FGF14: variants seen among roughly 807,000 people sequenced by gnomAD.
FGF14 encodes the protein fibroblast growth factor homologous factor 4.
Under a neutral mutation model 25.5 loss-of-function variants are expected in FGF14, and 5 were observed. The ratio of observed to expected loss-of-function variants is 0.20; its 90% CI spans 0.10 to 0.41. FGF14 has a LOEUF of 0.41. Ranked by LOEUF, FGF14 falls within the 10% of genes least tolerant of loss-of-function variation. FGF14 has a pLI of 1.00. For synonymous variants in FGF14, 138 were observed against 118.3 expected (o/e 1.17, Z -1.08); for missense variants, 222 against 320.1 (o/e 0.69, Z 2.34).
intron 1 of FGF14, among the ~76,000 whole-genome samples, chr13:101,976,585 C>T (rs1184068848): frequency 6.6e-6 from 1 of 152,168 alleles, no homozygotes; most frequent in East Asian, 1.9e-4. Context: ...CACTCACACC[C>T]GCCCTCTTCC....
rs1287281539 is a variant in FGF14, at chr13:101,715,957, G to C, written c.*6874C>G. 1 of 319,940 alleles carries C rather than the reference G, an allele frequency of 3.1e-6. No homozygotes were observed. Among genetic ancestry groups the C allele is most frequent in the Non-Finnish European group, 6.0e-6 (1 of 167,974 alleles). The allele number at this position is 319,940 out of a possible 1,614,324, so 19.8% of individuals were successfully genotyped here. On this transcript the variant is annotated 3_prime_UTR_variant, in exon 5 of 5. Coordinates refer to ENST00000376143, the MANE Select transcript of FGF14 (RefSeq NM_004115.4). ...CAGACAATTTTGATTGTCACACTGG[G>C]TCGGGTAGGAAGGTATGCTGCAGAC...
intron 1 of FGF14, among the ~76,000 whole-genome samples, chr13:102,117,585 G>A (rs1566707303): frequency 6.6e-6 from 1 of 152,164 alleles, no homozygotes; most frequent in Non-Finnish European, 1.5e-5. Flanking sequence ...GTTTATAATA[G>A]GAGAAGCCAG....
chr13:101,771,855 C>G (rs1303180017), intron 3 of FGF14, among the ~76,000 whole-genome samples: 1 of 151,800 alleles, frequency 6.6e-6, no homozygotes, highest in Non-Finnish European at 1.5e-5. Flanking sequence ...TAAAATTTTT[C>G]TCTTAAATTT....
intron 1 of FGF14, among the ~76,000 whole-genome samples, chr13:102,237,916 A>C (rs920243975): frequency 3.9e-5 from 6 of 152,132 alleles, no homozygotes; most frequent in Non-Finnish European, 7.4e-5. Flanking sequence ...CTGTCTTGGC[A>C]TTCACTCTAA....
chr13:102,175,273 A>C (rs1444729506), intron 1 of FGF14, among the ~76,000 whole-genome samples: 1 of 152,126 alleles, frequency 6.6e-6, no homozygotes, highest in Non-Finnish European at 1.5e-5. Context: ...AGAATAGAGA[A>C]CCTAGAAACA....
At chr13:102,165,825 TAATA>T (rs1771443251) in intron 1 of FGF14, among the ~76,000 whole-genome samples, 1 of 150,486 alleles carries the variant, frequency 6.6e-6, no homozygotes, top group East Asian at 1.9e-4. Flanking sequence ...ATAATAATAA[TAATA>T]AAAGAAAGTA....
At chr13:102,352,792 A>G (rs547764911) in intron 1 of FGF14, among the ~76,000 whole-genome samples, 77 of 149,394 alleles carry the variant, frequency 5.2e-4, no homozygotes, top group South Asian at 1.5e-3. Flanking sequence ...AGCCTGGGCG[A>G]CAGAGCGAGA....
intron 3 of FGF14, among the ~76,000 whole-genome samples, chr13:101,814,100 A>T (rs1253058605): frequency 6.6e-6 from 1 of 152,278 alleles, no homozygotes; most frequent in Non-Finnish European, 1.5e-5. Context: ...GCAAGTAGAC[A>T]GACAACTAAA....
chr13:102,342,614 G>A (rs946129956), intron 1 of FGF14, among the ~76,000 whole-genome samples: 1 of 151,998 alleles, frequency 6.6e-6, no homozygotes, highest in African/African-American at 2.4e-5. Context: ...CAGTAACTCA[G>A]AAATAACAAT....
At chr13:102,390,120 T>C (rs762330061) in intron 1 of FGF14, among the ~76,000 whole-genome samples, 7 of 152,322 alleles carry the variant, frequency 4.6e-5, no homozygotes, top group South Asian at 4.1e-4. Context: ...GATTTAATGA[T>C]ATGAAGTTCT....
At position 101,720,384 on chromosome 13, in the gene FGF14, A is replaced by C. The variant is rs2034888254; in HGVS notation, c.*2447T>G. 1 of 152,122 alleles carries C rather than the reference A, an allele frequency of 6.6e-6. No individual in the cohort carries two copies. The highest frequency in any genetic ancestry group is 2.4e-5 in the African/African-American group (1 of 41,448). 9.4% of individuals were successfully genotyped at this position (152,122 alleles called of 1,614,324 possible). Reference sequence around the variant, plus strand: ...CTTATAGACACCCCATATATAAAACACAACAGAGATACACATTTACATAAA... The same window carrying C: ...CTTATAGACACCCCATATATAAAACCCAACAGAGATACACATTTACATAAA... On this transcript the variant is annotated 3_prime_UTR_variant, in exon 5 of 5. Coordinates refer to ENST00000376143, the MANE Select transcript of FGF14 (RefSeq NM_004115.4).
At chr13:102,166,301 AAATTTATAAATTTCGTAAAGT>A in intron 1 of FGF14, among the ~76,000 whole-genome samples, 1 of 152,186 alleles carries the variant, frequency 6.6e-6, no homozygotes, top group Non-Finnish European at 1.5e-5. Flanking sequence ...TTACTTTACG[AAATTTATAAATTTCGTAAAGT>A]AATCTATTAA....
intron 1 of FGF14, among the ~76,000 whole-genome samples, chr13:102,151,401 C>A (rs114011028): frequency 6.6e-6 from 1 of 152,088 alleles, no homozygotes; most frequent in Non-Finnish European, 1.5e-5. Flanking sequence ...CATCTTCTTA[C>A]GCCTTATTTT....
At chr13:101,959,340 C>T (rs1261752146) in intron 1 of FGF14, among the ~76,000 whole-genome samples, 1 of 151,640 alleles carries the variant, frequency 6.6e-6, no homozygotes. Context: ...ACCGAGATAC[C>T]CCACAGTTGC....
At chr13:102,344,600 C>G (rs544592952) in intron 1 of FGF14, among the ~76,000 whole-genome samples, 1 of 152,320 alleles carries the variant, frequency 6.6e-6, no homozygotes, top group Non-Finnish European at 1.5e-5. Context: ...AAGCCACTTT[C>G]ATAGTATTTG....
intron 1 of FGF14, among the ~76,000 whole-genome samples, chr13:101,943,291 A>G (rs1247358570): frequency 6.6e-6 from 1 of 152,126 alleles, no homozygotes; most frequent in East Asian, 1.9e-4. Flanking sequence ...GCTACCATCT[A>G]CTAGATTGTG....
At chr13:102,310,685 C>CTG (rs1555399342) in intron 1 of FGF14, among the ~76,000 whole-genome samples, 5 of 6,856 alleles carry the variant, frequency 7.3e-4, no homozygotes, top group African/African-American at 2.7e-3. Flanking sequence ...CTCTCTCTCT[C>CTG]TGTGTGTGTG....
intron 1 of FGF14, among the ~76,000 whole-genome samples, chr13:101,892,341 G>T (rs986601845): frequency 3.9e-5 from 6 of 152,170 alleles, no homozygotes; most frequent in Admixed American, 3.3e-4. Flanking sequence ...AAAAAAATAG[G>T]CCTCATCCTT....
At chr13:101,787,846 G>T (rs1047107702) in intron 3 of FGF14, among the ~76,000 whole-genome samples, 1 of 152,042 alleles carries the variant, frequency 6.6e-6, no homozygotes, top group African/African-American at 2.4e-5. Context: ...ACACAGAAAT[G>T]CCAGGCTGTT....
Sources: gnomAD v4.1 joint callset for allele counts (sites outside exome capture counted in the v4.1 genomes callset) on GRCh38, gnomAD v4.1.1 for gene constraint, MANE v1.5 for transcripts, NCBI Gene and HGNC (gene_info 2026-07-23, HGNC 2026-07-21) for gene names.